Variants in ADCY5 observed in about 807,000 individuals in gnomAD.
ADCY5 encodes adenylate cyclase 5.
A neutral mutation model predicts 119.7 loss-of-function variants in ADCY5; 30 were observed. The observed-to-expected ratio is 0.25, with a 90% confidence interval of 0.19 to 0.34. ADCY5 has a LOEUF of 0.34. ADCY5 is among the 10% of genes least tolerant of loss of function. The pLI is 1.00. For synonymous variants in ADCY5, 753 were observed against 762.2 expected, an observed-to-expected ratio of 0.99 and a Z score of 0.20; for missense variants, 1,324 against 1,775.2, an observed-to-expected ratio of 0.75 and a Z score of 4.57.
intron 1 of ADCY5, among the ~76,000 whole-genome samples, chr3:123,400,916 C>T (rs377256937): frequency 1.3e-5 from 2 of 151,670 alleles, no homozygotes; most frequent in Admixed American, 6.6e-5. Context: ...TGCACTCCAG[C>T]CTGGACAAGA....
At chr3:123,291,661 G>A (rs535086452) in intron 17 of ADCY5, among the ~76,000 whole-genome samples, 44 of 152,226 alleles carry the variant, frequency 2.9e-4, no homozygotes, top group Middle Eastern at 3.4e-3. Context: ...AGGGAGCCCC[G>A]AGCAGGAACA....
At position 123,327,700 on chromosome 3, in the gene ADCY5, G is replaced by T. The variant is rs765300820; in HGVS notation, c.1865C>A (p.Pro622Gln). The change falls in exon 7 of 21, where the codon CCA becomes CAA. Residue 622 changes from proline (P) to glutamine (Q), a missense_variant. Physicochemically the swap from Pro to Gln is moderately conservative, Grantham distance 76. Transcript: ENST00000462833. ...NYLNGDYEVE[P>Q]GCGGERNAYL... ...GGCGTTGCGCTCGCCCCCACAGCCT[G>T]GCTCCACCTCGTAGTCCCCATTCAG... 6.2e-7 allele frequency: 1 copy of T among 1,614,000 alleles called. No individual in the cohort carries two copies.
chr3:123,332,124 G>A (rs1300459137), intron 4 of ADCY5, among the ~76,000 whole-genome samples: 1 of 152,154 alleles, frequency 6.6e-6, no homozygotes, highest in Non-Finnish European at 1.5e-5. Flanking sequence ...CTAGGGAATG[G>A]CACACAGCCG....
intron 1 of ADCY5, among the ~76,000 whole-genome samples, chr3:123,388,938 T>C (rs1037338494): frequency 6.6e-6 from 1 of 151,922 alleles, no homozygotes; most frequent in African/African-American, 2.4e-5. Context: ...GAAGGAGGTG[T>C]TTCTATACTG....
In ADCY5 at chr3:123,291,094, C is replaced by T; in HGVS notation, c.3327+19G>A. 6.3e-7 allele frequency: 1 copy of T among 1,599,794 alleles called. No individual in the cohort carries two copies. Among genetic ancestry groups the T allele is most frequent in the Non-Finnish European group, 8.5e-7 (1 of 1,171,620 alleles). On this transcript the variant is annotated intron_variant, in intron 18 of 20. Transcript: ENST00000462833. The stretch of plus-strand genomic sequence containing the variant: ...GGCCCCTCCCAGGAACACAGCCTGA[C>T]CCAGGCCCCGCTGTGCACCTCATCA...
Position 123,300,226 on chromosome 3 carries a change from T to G in ADCY5, c.2794A>C (p.Lys932Gln). The G allele has an allele frequency of 6.2e-7, 1 of 1,613,752 alleles. No individual in the cohort carries two copies. The highest frequency in any genetic ancestry group is 8.5e-7 in the Non-Finnish European group (1 of 1,180,028). ...TCGATGGCCAGCATGAGCACCAGCT[T>G]CCCGATGCAGCTGATCTGCAGGAAC... Reference protein sequence around the residue: ...SVFLQISCIGKLVLMLAIELI... With the variant: ...SVFLQISCIGQLVLMLAIELI... Residue 932 changes from lysine to glutamine, a missense_variant, in exon 15 of 21, where the codon AAG becomes CAG. Transcript: ENST00000462833.
chr3:123,294,173 T>G (rs187410965), intron 17 of ADCY5, among the ~76,000 whole-genome samples: 28 of 152,050 alleles, frequency 1.8e-4, no homozygotes, highest in South Asian at 4.2e-4. Context: ...AGCAAATCAA[T>G]GGAGGAGGAG....
intron 17 of ADCY5, 36 bp from the exon 18 acceptor site, chr3:123,291,412 A>T (rs556111074): frequency 1.3e-6 from 2 of 1,586,352 alleles, no homozygotes; most frequent in Non-Finnish European, 1.7e-6. Flanking sequence ...CCAGATGCCA[A>T]TGTGAGCCCA....
chr3:123,304,190 T>TG lies in ADCY5; in HGVS notation c.2443-8dup. On this transcript the variant is annotated splice_polypyrimidine_tract_variant and splice_region_variant and intron_variant, in intron 12 of 20. Coordinates refer to ENST00000462833, the MANE Select transcript of ADCY5 (RefSeq NM_183357.3). Reference sequence around the variant, plus strand: ...GCAGTGGGGAGGGGAAGAGCTAGGGTGGGGGCAGGGGTGGAGAGGGAGGGA... The same window carrying TG: ...GCAGTGGGGAGGGGAAGAGCTAGGGTGGGGGGCAGGGGTGGAGAGGGAGGGA... The TG allele has an allele frequency of 2.7e-6, 1 of 367,732 alleles. No individual in the cohort carries two copies. Among genetic ancestry groups the TG allele is most frequent in the East Asian group, 7.2e-5 (1 of 13,948 alleles). The allele number at this position is 367,732 out of a possible 1,614,324, so 22.8% of individuals were successfully genotyped here. A position where few individuals can be genotyped will look rare whatever the true frequency, so the allele number is the denominator to read the frequency against.
intron 1 of ADCY5, among the ~76,000 whole-genome samples, chr3:123,358,337 G>C (rs997591335): frequency 6.6e-6 from 1 of 152,178 alleles, no homozygotes; most frequent in African/African-American, 2.4e-5. Flanking sequence ...GGATGCAGTG[G>C]CTCACACCTG....
At chr3:123,296,467 A>AC (rs1939519904) in intron 16 of ADCY5, among the ~76,000 whole-genome samples, 1 of 151,974 alleles carries the variant, frequency 6.6e-6, no homozygotes, top group South Asian at 2.1e-4. Flanking sequence ...ACGCCTTACA[A>AC]CCCCCCATCA....
intron 1 of ADCY5, among the ~76,000 whole-genome samples, chr3:123,358,448 T>C (rs1943122211): frequency 6.6e-6 from 1 of 151,830 alleles, no homozygotes; most frequent in South Asian, 2.1e-4. Context: ...CTACAAAAAA[T>C]AAAAATAAAA....
chr3:123,447,837 G>T lies in ADCY5; in HGVS notation c.709C>A (p.Leu237Met). Residue 237 changes from leucine (L) to methionine (M), a missense_variant, in exon 1 of 21, where the codon CTG becomes ATG. Around this residue, in one of 6 missense-constraint regions of ADCY5, gnomAD observed 585 missense variants for 569.9 expected, o/e 1.03. Transcript: ENST00000462833. The part of the protein sequence containing the change: ...ERLYQRYFFR[L>M]NQSSLTMLMA... ...AGCATGGTGAGGCTGCTCTGGTTCA[G>T]GCGGAAGAAGTAGCGCTGGTACAGC... is the stretch of plus-strand genomic sequence containing the variant. The T allele has an allele frequency of 6.2e-7, 1 of 1,612,802 alleles. No homozygotes were observed. The highest frequency in any genetic ancestry group is 8.5e-7 in the Non-Finnish European group (1 of 1,179,734).
chr3:123,398,988 G>A (rs927826387), intron 1 of ADCY5, among the ~76,000 whole-genome samples: 22 of 152,164 alleles, frequency 1.4e-4, no homozygotes, highest in Admixed American at 3.3e-4. Flanking sequence ...CCATAGGGCC[G>A]GCCATCCAGC....
At chr3:123,330,845 A>G in intron 5 of ADCY5, 44 bp downstream of exon 5, 2 of 1,562,184 alleles carry the variant, frequency 1.3e-6, no homozygotes, top group Non-Finnish European at 1.7e-6. Context: ...CGGGCTGTGG[A>G]CAGTCCCAGG....
At chr3:123,405,320 C>T (rs531343499) in intron 1 of ADCY5, among the ~76,000 whole-genome samples, 1 of 152,358 alleles carries the variant, frequency 6.6e-6, no homozygotes, top group East Asian at 1.9e-4. Flanking sequence ...GAGCACCAGT[C>T]TAGAGCACAG....
At chr3:123,423,120 G>T (rs942670347) in intron 1 of ADCY5, among the ~76,000 whole-genome samples, 1 of 152,104 alleles carries the variant, frequency 6.6e-6, no homozygotes, top group Non-Finnish European at 1.5e-5. Flanking sequence ...GATACAGGAG[G>T]TCTGGCCTCA....
chr3:123,319,803 A>G lies in ADCY5; in HGVS notation c.2127T>C (p.Ser709=). Residue 709 remains serine (S), a synonymous_variant, in exon 10 of 21, where the codon AGT becomes AGC. Transcript: ENST00000462833. ...EDPKDKNAQE[S]ANPEDEVDEF... ...CATCCACTTCATCCTCAGGGTTCGC[A>G]CTCTCCTGGGCGTTCCTGGGGAGCA... 1 of 1,613,984 alleles carries G rather than the reference A, an allele frequency of 6.2e-7. No homozygotes were observed. The highest frequency in any genetic ancestry group is 8.5e-7 in the Non-Finnish European group (1 of 1,179,972).
intron 1 of ADCY5, among the ~76,000 whole-genome samples, chr3:123,384,408 G>T (rs1944145963): frequency 6.6e-6 from 1 of 152,200 alleles, no homozygotes; most frequent in African/African-American, 2.4e-5. Flanking sequence ...CTGGGTCAGG[G>T]CGAGTGCAGC....
Sources: allele counts gnomAD v4.1 joint callset (sites outside exome capture counted in the v4.1 genomes callset), GRCh38; gene constraint gnomAD v4.1.1; regional missense constraint gnomAD v4.1.1; transcripts MANE v1.5; gene names NCBI Gene and HGNC (gene_info 2026-07-23, HGNC 2026-07-21).